Variants in SCAND3 observed in about 807,000 individuals in gnomAD.
The protein encoded by SCAND3 is SCAN domain containing 3, also known as SCAN domain-containing protein 3.
the SCAND3 span, chr6:28,571,953 T>G: frequency 6.2e-7 from 1 of 1,613,336 alleles, no homozygotes; most frequent in Non-Finnish European, 8.5e-7. Context: ...TTAATTTGTC[T>G]AATCTAGGTT....
the SCAND3 span, among the ~76,000 whole-genome samples, chr6:28,595,722 CA>C: frequency 0.034 from 4,657 of 138,714 alleles, 143 homozygotes; most frequent in African/African-American, 0.088. Context: ...AACTCCGTCT[CA>C]AAAAAAAAAA....
At chr6:28,579,337 T>A in the SCAND3 span, 88 of 1,613,984 alleles carry the variant, frequency 5.5e-5, no homozygotes, top group Non-Finnish European at 7.1e-5. The surrounding 1 kb of genome is among the most constrained non-coding windows in gnomAD (Gnocchi z 4.5). Flanking sequence ...AGACTGAAGC[T>A]GGGTGCCTAA....
the SCAND3 span, among the ~76,000 whole-genome samples, chr6:28,604,458 AT>A: frequency 6.6e-6 from 1 of 152,182 alleles, no homozygotes; most frequent in Non-Finnish European, 1.5e-5. Flanking sequence ...TCTATTAAAA[AT>A]ACAAAAATTA....
At chr6:28,597,892 C>T in the SCAND3 span, 1 of 152,124 alleles carries the variant, frequency 6.6e-6, no homozygotes, top group Admixed American at 6.5e-5. Context: ...ATTTTTGCTT[C>T]TGAAATATGC....
chr6:28,586,681 C>G, the SCAND3 span: 90 of 1,613,842 alleles, frequency 5.6e-5, no homozygotes, highest in Non-Finnish European at 7.4e-5. This position sits in a 1 kb window ranked among gnomAD's most constrained non-coding sequence, Gnocchi z 4.4. Flanking sequence ...GGAGCCTGGC[C>G]AGCCAAGGCT....
chr6:28,603,151 A>G, the SCAND3 span, among the ~76,000 whole-genome samples: 1 of 151,868 alleles, frequency 6.6e-6, no homozygotes, highest in Non-Finnish European at 1.5e-5. Context: ...TTTTTAGTAG[A>G]GACGGGGTTT....
At chr6:28,596,881 T>C in the SCAND3 span, among the ~76,000 whole-genome samples, 1 of 152,162 alleles carries the variant, frequency 6.6e-6, no homozygotes, top group African/African-American at 2.4e-5. Context: ...TTCAGTAAGG[T>C]TAAAATTAGG....
the SCAND3 span, among the ~76,000 whole-genome samples, chr6:28,594,527 T>C: frequency 1.3e-5 from 2 of 152,190 alleles, no homozygotes; most frequent in Non-Finnish European, 2.9e-5. Context: ...TGATGGCACA[T>C]GCTTGTAATC....
At chr6:28,613,006 C>T in the SCAND3 span, among the ~76,000 whole-genome samples, 7 of 152,090 alleles carry the variant, frequency 4.6e-5, no homozygotes, top group African/African-American at 1.4e-4. Flanking sequence ...CATACACTGG[C>T]AATCTCTTTA....
the SCAND3 span, chr6:28,587,658 T>TC: frequency 6.6e-6 from 1 of 152,038 alleles, no homozygotes; most frequent in East Asian, 1.9e-4. Context: ...TGTAGGATCG[T>TC]CCCCCGCCTT....
the SCAND3 span, chr6:28,572,502 C>T: frequency 1.2e-6 from 2 of 1,613,358 alleles, no homozygotes; most frequent in Non-Finnish European, 1.7e-6. This position sits in a 1 kb window ranked among gnomAD's most constrained non-coding sequence, Gnocchi z 4.1. Flanking sequence ...CTTTATCTGC[C>T]ATTGAAAAAT....
At chr6:28,611,428 C>T in the SCAND3 span, among the ~76,000 whole-genome samples, 1 of 152,224 alleles carries the variant, frequency 6.6e-6, no homozygotes, top group African/African-American at 2.4e-5. Flanking sequence ...AAAGGTCACT[C>T]CTGGAAGACA....
the SCAND3 span, among the ~76,000 whole-genome samples, chr6:28,599,834 C>T: frequency 2.6e-5 from 4 of 151,644 alleles, no homozygotes; most frequent in African/African-American, 9.7e-5. Flanking sequence ...CAAAATAGAC[C>T]CATAGTAAAC....
the SCAND3 span, among the ~76,000 whole-genome samples, chr6:28,605,678 CAAAAA>C: frequency 8.4e-6 from 1 of 119,680 alleles, no homozygotes; most frequent in African/African-American, 3.3e-5. Context: ...CTAAAAAATA[CAAAAA>C]AAAAAAAAAA....
At chr6:28,597,366 C>G in the SCAND3 span, among the ~76,000 whole-genome samples, 2 of 152,222 alleles carry the variant, frequency 1.3e-5, no homozygotes, top group African/African-American at 2.4e-5. Flanking sequence ...CGAACCCACG[C>G]GTGCAGAGCA....
chr6:28,594,846 TAGAG>T, the SCAND3 span, among the ~76,000 whole-genome samples: 1 of 151,528 alleles, frequency 6.6e-6, no homozygotes, highest in South Asian at 2.1e-4. Context: ...CTCGTAGAAA[TAGAG>T]AGATTAGAAT....
At chr6:28,595,066 G>A in the SCAND3 span, among the ~76,000 whole-genome samples, 2 of 151,300 alleles carry the variant, frequency 1.3e-5, no homozygotes, top group African/African-American at 2.4e-5. Flanking sequence ...TGGGAACATC[G>A]AAGATAGAAA....
chr6:28,574,863 A>G, the SCAND3 span: 7 of 1,614,046 alleles, frequency 4.3e-6, no homozygotes, highest in African/African-American at 1.3e-5. Flanking sequence ...ATATACAACT[A>G]TTAACACCTG....
the SCAND3 span, chr6:28,586,495 C>A: frequency 3.1e-6 from 5 of 1,614,224 alleles, no homozygotes; most frequent in Non-Finnish European, 4.2e-6. The surrounding 1 kb of genome is among the most constrained non-coding windows in gnomAD (Gnocchi z 4.4). Flanking sequence ...CGGCAAAGTT[C>A]CCGCAGTTGA....
Sources: gnomAD v4.1 joint callset for allele counts (sites outside exome capture counted in the v4.1 genomes callset) on GRCh38, gnomAD v4.1.1 for gene constraint, Gnocchi (gnomAD v3.1) non-coding constraint, MANE v1.5 for transcripts, NCBI Gene and HGNC (gene_info 2026-07-23, HGNC 2026-07-21) for gene names.